The following MYOM1 variants were observed in gnomAD, a reference collection of about 807,000 sequenced individuals.
The protein encoded by MYOM1 is myomesin-1.
In MYOM1, 164 loss-of-function variants were observed where a neutral mutation model predicts 205.3. That is an observed-to-expected ratio of 0.80 (90% CI 0.70 to 0.91). MYOM1 has a LOEUF of 0.91. MYOM1 is among the 40% of genes least tolerant of loss of function. MYOM1 has a pLI of 0.00. For synonymous variants in MYOM1, 772 were observed against 789.4 expected (o/e 0.98, Z 0.37); for missense variants, 2,011 against 2,127.3 (o/e 0.95, Z 1.08).
At chr18:3,163,472 A>G (rs946538607) in intron 10 of MYOM1, among the ~76,000 whole-genome samples, 1 of 151,902 alleles carries the variant, frequency 6.6e-6, no homozygotes, top group Non-Finnish European at 1.5e-5. Flanking sequence ...TTTTCTTTTG[A>G]GACAGGGTCT....
chr18:3,119,390 T>C (rs967684357), intron 20 of MYOM1, among the ~76,000 whole-genome samples: 2 of 152,092 alleles, frequency 1.3e-5, no homozygotes, highest in African/African-American at 4.8e-5. Context: ...AGAAGCCACA[T>C]AGCTTGGGTA....
intron 1 of MYOM1, among the ~76,000 whole-genome samples, chr18:3,216,337 G>C (rs1172800174): frequency 6.6e-6 from 1 of 152,176 alleles, no homozygotes; most frequent in Non-Finnish European, 1.5e-5. Flanking sequence ...TAATTACCTT[G>C]TACAGAACTG....
chr18:3,094,286 ACT>A lies in MYOM1; in HGVS notation c.3746_3747del (p.Glu1249ValfsTer4). Reference protein sequence around the residue: ...HKFPTVPVKSELAVEILEKGQ... With the variant: ...HKFPTVPVKSXLAVEILEKGQ... ...CCTTTCTCCAAAATTTCAACTGCCA[ACT>A]CTGATTTAACTGGGACAGCTATGAA... On this transcript the variant is annotated frameshift_variant, in exon 26 of 38. Coordinates refer to ENST00000356443, the MANE Select transcript of MYOM1 (RefSeq NM_003803.4). LOFTEE classifies it high-confidence loss of function. The A allele has an allele frequency of 6.2e-7, 1 of 1,613,676 alleles. No individual in the cohort carries two copies.
chr18:3,095,430 G>A (rs575462669), intron 25 of MYOM1, among the ~76,000 whole-genome samples: 29 of 152,230 alleles, frequency 1.9e-4, no homozygotes, highest in Middle Eastern at 3.4e-3. Context: ...TTAGCCAGGC[G>A]TGGTGGTGGG....
chr18:3,073,587 G>T (rs887311789), intron 36 of MYOM1, among the ~76,000 whole-genome samples: 2 of 152,224 alleles, frequency 1.3e-5, no homozygotes, highest in Admixed American at 1.3e-4. Context: ...ACTTCACTGT[G>T]TTGGCCTCAG....
intron 34 of MYOM1, 97 bp downstream of exon 34, chr18:3,079,082 G>A: frequency 7.6e-7 from 1 of 1,321,300 alleles, no homozygotes; most frequent in Admixed American, 2.0e-5. Flanking sequence ...CAAGGTGTTG[G>A]GATTACAGGC....
the MYOM1 span, among the ~76,000 whole-genome samples, chr18:3,238,910 G>GTCT: frequency 6.6e-6 from 1 of 152,098 alleles, no homozygotes; most frequent in Non-Finnish European, 1.5e-5. Flanking sequence ...TTCTCTAACA[G>GTCT]TCTTCTTCTG....
intron 3 of MYOM1, 112 bp downstream of exon 3, chr18:3,193,706 A>G: frequency 8.9e-7 from 1 of 1,119,894 alleles, no homozygotes; most frequent in Non-Finnish European, 1.2e-6. Flanking sequence ...AATAAATGTT[A>G]GCTGCTATTT....
In MYOM1 at chr18:3,083,913, A is replaced by G. The variant is rs2079119616; in HGVS notation, c.4379-19T>C. 1.3e-6 allele frequency: 2 copies of G among 1,575,050 alleles called. No homozygotes were observed. The highest frequency in any genetic ancestry group is 1.7e-6 in the Non-Finnish European group (2 of 1,158,492). On this transcript the variant is annotated intron_variant, in intron 32 of 37. Coordinates refer to ENST00000356443, the MANE Select transcript of MYOM1 (RefSeq NM_003803.4). ...GACAAAGCTGAAAGAAGAAAATAGC[A>G]TATTTCATACATCTGCATGCCCCTC...
At chr18:3,213,667 T>C (rs2081219022) in intron 2 of MYOM1, among the ~76,000 whole-genome samples, 2 of 152,210 alleles carry the variant, frequency 1.3e-5, no homozygotes, top group South Asian at 2.1e-4. Flanking sequence ...ACGTCCTTCT[T>C]TGAGTGACTA....
chr18:3,201,801 GC>G (rs1258371098), intron 2 of MYOM1, among the ~76,000 whole-genome samples: 4 of 151,774 alleles, frequency 2.6e-5, no homozygotes, highest in Admixed American at 6.6e-5. Context: ...ACATCACCAT[GC>G]CCAGCTAATT....
rs199817096 is a variant in MYOM1 at position 3,119,878 on chromosome 18, C to T, written c.3109G>A (p.Ala1037Thr). ...ECFKCEEWTI[A>T]VPGPPHSLKC... ...GGTGTCTGTGGTTTACCTGGGACGG[C>T]GATGGTCCACTCTTCACATTTGAAG... Residue 1037 changes from alanine (A) to threonine (T), a missense_variant, in exon 20 of 38, where the codon GCC becomes ACC. Transcript: ENST00000356443. 70 of 1,606,390 alleles carry T rather than the reference C, an allele frequency of 4.4e-5. No homozygotes were observed. In the African/African-American group the frequency reaches 8.3e-4, roughly 19 times the overall value.
At chr18:3,149,069 C>T (rs537423029) in intron 13 of MYOM1, 76 bp downstream of exon 13, 34 of 1,176,608 alleles carry the variant, frequency 2.9e-5, no homozygotes, top group Non-Finnish European at 4.3e-5. Flanking sequence ...GCAATACACA[C>T]TGCACCCTCC....
chr18:3,200,738 G>A (rs1489180980), intron 2 of MYOM1, among the ~76,000 whole-genome samples: 1 of 152,098 alleles, frequency 6.6e-6, no homozygotes, highest in Non-Finnish European at 1.5e-5. Context: ...AAACGTGTGA[G>A]ACAATGTCAA....
chr18:3,223,262 A>G (rs1437726517), upstream of MYOM1, among the ~76,000 whole-genome samples: 2 of 152,232 alleles, frequency 1.3e-5, no homozygotes, highest in Non-Finnish European at 2.9e-5. Flanking sequence ...GTAAAACAGT[A>G]TTACTTCCTG....
At chr18:3,089,107 C>A in intron 29 of MYOM1, 67 bp downstream of exon 29, 3 of 1,160,902 alleles carry the variant, frequency 2.6e-6, no homozygotes, top group South Asian at 1.5e-5. Flanking sequence ...AAAAATTGAG[C>A]TTCCTCTTCT....
intron 2 of MYOM1, among the ~76,000 whole-genome samples, chr18:3,213,265 G>A (rs535421097): frequency 7.9e-5 from 12 of 152,254 alleles, no homozygotes; most frequent in African/African-American, 2.9e-4. Context: ...CAGATATTTT[G>A]TGGGCTTAAA....
At chr18:3,091,918 G>C (rs998741265) in intron 26 of MYOM1, among the ~76,000 whole-genome samples, 2 of 152,086 alleles carry the variant, frequency 1.3e-5, no homozygotes, top group African/African-American at 4.8e-5. Context: ...TTTTAGTAGA[G>C]ACAGAGTTTT....
chr18:3,211,213 G>T (rs559693053), intron 2 of MYOM1, among the ~76,000 whole-genome samples: 2 of 152,224 alleles, frequency 1.3e-5, no homozygotes, highest in East Asian at 1.9e-4. Flanking sequence ...AGAATGGAAG[G>T]TCCCTGCTTT....
Sources: gnomAD v4.1 joint callset for allele counts (sites outside exome capture counted in the v4.1 genomes callset) on GRCh38, gnomAD v4.1.1 for gene constraint, MANE v1.5 for transcripts, NCBI Gene and HGNC (gene_info 2026-07-23, HGNC 2026-07-21) for gene names.